SNX32: variants seen among roughly 807,000 people sequenced by gnomAD.
SNX32 encodes the protein sorting nexin 32.
Under a neutral mutation model 57.0 loss-of-function variants are expected in SNX32, and 58 were observed. The ratio of observed to expected loss-of-function variants is 1.02; its 90% CI spans 0.82 to 1.27. SNX32 has a LOEUF of 1.27. Ranked by LOEUF, SNX32 falls within the 50% of genes most tolerant of loss-of-function variation. The probability of loss-of-function intolerance (pLI) is 0.00; values close to 1 mark genes in which losing one functional copy is unlikely to be tolerated. For missense variants in SNX32, 589 were observed against 541.2 expected (o/e 1.09, Z -0.88); for synonymous variants, 262 against 220.4 (o/e 1.19, Z -1.67).
Position 65,836,405 on chromosome 11 carries a change from G to A in SNX32, c.36+2304G>A, listed in dbSNP as rs958937546. 1.2e-4 allele frequency among the ~76,000 whole-genome samples: 19 copies of A among 152,166 alleles called. No individual in the cohort carries two copies. In the East Asian group the frequency reaches 2.7e-3, roughly 22 times the overall value. ...TAAAAATACAAAAAATTGGCCAGAC[G>A]TGGTGGTGCGCACCTGTAATCCCAA... On this transcript the variant is annotated intron_variant, in intron 1 of 12. Transcript: ENST00000308342.
rs142976877 is a variant in SNX32, at chr11:65,840,136, C to G, written c.36+6035C>G. Among the ~76,000 whole-genome samples the G allele has an allele frequency of 6.8e-4, 104 of 152,088 alleles. 1 individual carries two copies. In the East Asian group the frequency reaches 0.017, roughly 25 times the overall value. On this transcript the variant is annotated intron_variant, in intron 1 of 12. Transcript: ENST00000308342. ...CGCCAGTGCACTCCAGCCTGGGCAACAAGAGTGAAACTCTGTCTCCAAAAA... is the reference window on the plus strand; with the variant it reads ...CGCCAGTGCACTCCAGCCTGGGCAAGAAGAGTGAAACTCTGTCTCCAAAAA...
chr11:65,850,998 G>A (rs1051268378), intron 6 of SNX32, 57 bp from the exon 7 acceptor site: 10 of 1,545,656 alleles, frequency 6.5e-6, no homozygotes, highest in South Asian at 1.1e-5. Context: ...CTGGGTGCCT[G>A]TGTTGTCAAG....
rs1483668248 is a variant in SNX32, at chr11:65,852,550, A to C, written c.911A>C (p.Lys304Thr). 6.2e-7 allele frequency: 1 copy of C among 1,614,224 alleles called. No homozygotes were observed. Among genetic ancestry groups the C allele is most frequent in the South Asian group, 1.1e-5 (1 of 91,092 alleles). ...RYYMRDSQAA[K>T]DLLYRRLRAL... ...TACATGCGTGACTCACAGGCAGCCA[A>C]GGTGAGAGGCAGCCCCAGCGCAGCG... The change falls in exon 10 of 13, where the codon AAG becomes ACG. Residue 304 changes from lysine (K) to threonine (T), a missense_variant and splice_region_variant. Coordinates refer to ENST00000308342, the MANE Select transcript of SNX32 (RefSeq NM_152760.3).
intron 1 of SNX32, among the ~76,000 whole-genome samples, chr11:65,839,894 C>T (rs1858793458): frequency 6.6e-6 from 1 of 152,008 alleles, no homozygotes; most frequent in Non-Finnish European, 1.5e-5. Flanking sequence ...CGCGGTGGCT[C>T]ACGCCTGTAA....
chr11:65,834,688 CTG>C (rs1026951943), intron 1 of SNX32, among the ~76,000 whole-genome samples: 3 of 148,808 alleles, frequency 2.0e-5, no homozygotes, highest in African/African-American at 7.5e-5. Flanking sequence ...ACGCATGTGC[CTG>C]TGTGTGTCTG....
rs1372973894 is a variant in SNX32 at position 65,849,570 on chromosome 11, T to C, written c.129T>C (p.Thr43=). Reference sequence around the variant, plus strand: ...GTGAGCGGGACAAGGTGAAATTCACTGTTCAAACAAAGGTGAGGCAGTGCG... The same window carrying C: ...GTGAGCGGGACAAGGTGAAATTCACCGTTCAAACAAAGGTGAGGCAGTGCG... ...AVSERDKVKF[T]VQTKSCLPHF... Residue 43 remains threonine, a synonymous_variant, in exon 2 of 13, where the codon ACT becomes ACC. Transcript: ENST00000308342. The C allele has an allele frequency of 1.9e-6, 3 of 1,614,146 alleles. No individual in the cohort carries two copies. The highest frequency in any genetic ancestry group is 4.5e-5 in the East Asian group (2 of 44,880).
At position 65,852,663 on chromosome 11, in the gene SNX32, G is replaced by A. The variant is rs200733417; in HGVS notation, c.946G>A (p.Asp316Asn). 30 of 1,599,560 alleles carry A rather than the reference G, an allele frequency of 1.9e-5. No homozygotes were observed. Among genetic ancestry groups the A allele is most frequent in the Middle Eastern group, 1.7e-4 (1 of 6,052 alleles). The change falls in exon 11 of 13, where the codon GAC becomes AAC. Residue 316 changes from aspartate to asparagine, a missense_variant. Physicochemically the swap from Asp to Asn is conservative, Grantham distance 23. Coordinates refer to ENST00000308342, the MANE Select transcript of SNX32 (RefSeq NM_152760.3). ...LLYRRLRALA[D>N]YENANKALDK... ...GTACCGGCGGCTGCGGGCACTGGCC[G>A]ACTACGAGAATGCCAACAAGGCGCT...
In SNX32 at chr11:65,853,503, C is replaced by A. The variant is rs1565257067; in HGVS notation, c.*168C>A. 1 of 669,266 alleles carries A rather than the reference C, an allele frequency of 1.5e-6. No individual in the cohort carries two copies. The allele number at this position is 669,266 out of a possible 1,614,324, so 41.5% of individuals were successfully genotyped here. A position where few individuals can be genotyped will look rare whatever the true frequency, so the allele number is the denominator to read the frequency against. The stretch of plus-strand genomic sequence containing the variant: ...CCCAAACCCCCTATCACCACCACCA[C>A]AGGTGCCAGGCCCTGCAAGACACAG... On this transcript the variant is annotated 3_prime_UTR_variant, in exon 13 of 13. Transcript: ENST00000308342.
At chr11:65,850,586 T>C in intron 5 of SNX32, 32 bp downstream of exon 5, 2 of 1,581,958 alleles carry the variant, frequency 1.3e-6, no homozygotes, top group Non-Finnish European at 1.7e-6. Flanking sequence ...GGGTCACCCT[T>C]GGGCCAGGAG....
intron 12 of SNX32, 27 bp downstream of exon 12, chr11:65,852,985 T>C: frequency 6.2e-7 from 1 of 1,610,878 alleles, no homozygotes; most frequent in Non-Finnish European, 8.5e-7. Flanking sequence ...CACTGGGCCC[T>C]TGTGAAGCCT....
At position 65,851,312 on chromosome 11, in the gene SNX32, G is replaced by C. The variant is rs1171213152; in HGVS notation, c.710-16G>C. On this transcript the variant is annotated splice_polypyrimidine_tract_variant and intron_variant, in intron 7 of 12. Transcript: ENST00000308342. Reference sequence around the variant, plus strand: ...ATGCAGATGTAGGGGCTCTGATGGGGGCTGTTCCCCAACAGGCCTGGCAGA... The same window carrying C: ...ATGCAGATGTAGGGGCTCTGATGGGCGCTGTTCCCCAACAGGCCTGGCAGA... 1 of 1,613,960 alleles carries C rather than the reference G, an allele frequency of 6.2e-7. No homozygotes were observed. The highest frequency in any genetic ancestry group is 2.2e-5 in the East Asian group (1 of 44,882).
intron 1 of SNX32, among the ~76,000 whole-genome samples, chr11:65,839,732 CA>C (rs139892606): frequency 0.37 from 45,019 of 120,318 alleles, 7,055 homozygotes; most frequent in East Asian, 0.66. Flanking sequence ...GACCCTGTCC[CA>C]AAAAAAAAAA....
At chr11:65,853,035 G>A in intron 12 of SNX32, 77 bp downstream of exon 12, 2 of 1,487,928 alleles carry the variant, frequency 1.3e-6, no homozygotes, top group Non-Finnish European at 1.9e-6. Flanking sequence ...GCACCAGGGT[G>A]TGCGTGCATG....
At chr11:65,850,407 G>C (rs201843475) in intron 4 of SNX32, 24 bp from the exon 5 acceptor site, 2 of 1,613,616 alleles carry the variant, frequency 1.2e-6, no homozygotes, top group Non-Finnish European at 8.5e-7. Context: ...GAGGAGGGCC[G>C]GTGAGCTGCT....
chr11:65,837,391 G>A (rs7938011), intron 1 of SNX32, among the ~76,000 whole-genome samples: 22,611 of 152,140 alleles, frequency 0.15, 1,686 homozygotes, highest in Non-Finnish European at 0.18. Context: ...GCACACCTGT[G>A]GTCCCAGCTA....
rs1859251463 is a variant in SNX32 at position 65,852,792 on chromosome 11, G to A, written c.1072+3G>A. On this transcript the variant is annotated splice_donor_region_variant and intron_variant, in intron 11 of 12. Coordinates refer to ENST00000308342, the MANE Select transcript of SNX32 (RefSeq NM_152760.3). ...CCTCTCCGACTCCGCCAAGCAAGGT[G>A]AGCCCGCAGCCCCCAGCCCCAGCCT... 3 of 1,610,058 alleles carry A rather than the reference G, an allele frequency of 1.9e-6. No individual in the cohort carries two copies. The highest frequency in any genetic ancestry group is 1.7e-6 in the Non-Finnish European group (2 of 1,177,640).
chr11:65,853,366 G>C lies in SNX32; in HGVS notation c.*31G>C, dbSNP rs79443754. The C allele has an allele frequency of 3.9e-3, 6,306 of 1,610,096 alleles. 232 individuals are homozygous for C. In the African/African-American group the frequency reaches 0.076, roughly 19 times the overall value. On this transcript the variant is annotated 3_prime_UTR_variant, in exon 13 of 13. Coordinates refer to ENST00000308342, the MANE Select transcript of SNX32 (RefSeq NM_152760.3). ...CCAGAGCTCAGCCAGACCCTAATCT[G>C]GGATCTCCAGTGACCAGGGTATCCC...
chr11:65,845,181 T>G (rs1271268882), intron 1 of SNX32, among the ~76,000 whole-genome samples: 1 of 147,430 alleles, frequency 6.8e-6, no homozygotes, highest in Non-Finnish European at 1.5e-5. Context: ...GGCTCACTCC[T>G]GTAATTCCAG....
intron 1 of SNX32, among the ~76,000 whole-genome samples, chr11:65,840,935 T>C (rs11227323): frequency 7.9e-5 from 12 of 152,098 alleles, no homozygotes; most frequent in African/African-American, 2.9e-4. Context: ...TTATGGTTTT[T>C]TTTTCTTTCT....
Sources: gnomAD v4.1 joint callset for allele counts (sites outside exome capture counted in the v4.1 genomes callset) on GRCh38, gnomAD v4.1.1 for gene constraint, MANE v1.5 for transcripts, NCBI Gene and HGNC (gene_info 2026-07-23, HGNC 2026-07-21) for gene names.